Variants in AHNAK observed in about 807,000 individuals in gnomAD.
AHNAK encodes the protein AHNAK nucleoprotein.
In AHNAK, 23 loss-of-function variants were observed where a neutral mutation model predicts 37.8. That is an observed-to-expected ratio of 0.61 (90% confidence interval 0.44 to 0.86). The LOEUF (loss-of-function observed/expected upper bound fraction) is 0.86. Among genes scored for constraint, AHNAK ranks in the 40% least tolerant of loss-of-function variants. AHNAK has a pLI of 0.00. For synonymous variants in AHNAK, 2,481 were observed against 2,636.3 expected, an observed-to-expected ratio of 0.94 and a Z score of 1.80; for missense variants, 7,411 against 7,319.4, an observed-to-expected ratio of 1.01 and a Z score of -0.46.
chr11:62,439,664 G>GTTTTTTTTTTTTTTTTTTTT lies in AHNAK; in HGVS notation c.443-5774_443-5773insAAAAAAAAAAAAAAAAAAAA, dbSNP rs1565194563. On this transcript the variant is annotated intron_variant, in intron 5 of 5. Coordinates refer to the AHNAK transcript ENST00000257247. Reference sequence around the variant, plus strand: ...TTTGGTTTGTTTTGGATTTTTGTGTGATTTTTTTTTTTTTTTTTTTTGAGA... The same window carrying GTTTTTTTTTTTTTTTTTTTT: ...TTTGGTTTGTTTTGGATTTTTGTGTGTTTTTTTTTTTTTTTTTTTTATTTTTTTTTTTTTTTTTTTTGAGA... 1.6e-5 allele frequency among the ~76,000 whole-genome samples: 2 copies of GTTTTTTTTTTTTTTTTTTTT among 126,418 alleles called. 1 individual carries two copies. The allele number at this position is 126,418 out of a possible 152,430, so 82.9% of individuals were successfully genotyped here. A position where few individuals can be genotyped will look rare whatever the true frequency, so the allele number is the denominator to read the frequency against.
chr11:62,544,948 A>T (rs1180698450), intron 1 of AHNAK, among the ~76,000 whole-genome samples: 1 of 152,188 alleles, frequency 6.6e-6, no homozygotes, highest in Non-Finnish European at 1.5e-5. Context: ...ACGGGCAAGC[A>T]GAGAGCAGGA....
At position 62,520,343 on chromosome 11, in the gene AHNAK, C is replaced by G; in HGVS notation, c.14074G>C (p.Val4692Leu). The change falls in exon 5 of 5, where the codon GTT becomes CTT. Residue 4692 changes from valine to leucine, a missense_variant. Transcript: ENST00000378024. ...GGACCTTCGATATTCACATCAGGAA[C>G]ATCAACGTCCACTTTGGGTCCTGAG... ...DVSGPKVDVD[V>L]PDVNIEGPDA... 1 of 1,610,130 alleles carries G rather than the reference C, an allele frequency of 6.2e-7. No homozygotes were observed. The highest frequency in any genetic ancestry group is 8.5e-7 in the Non-Finnish European group (1 of 1,178,780).
In AHNAK at chr11:62,522,663, G is replaced by C. The variant is rs779978795; in HGVS notation, c.11754C>G (p.Ala3918=). ...CTGGGCCTCGAACATCCACATCTGG[G>C]GCATTAATATCCACTTTGGGGCCTT... ...DIKGPKVDIN[A]PDVDVRGPDW... Residue 3918 remains alanine (A), a synonymous_variant, in exon 5 of 5, where the codon GCC becomes GCG. Transcript: ENST00000378024. 1 of 1,606,322 alleles carries C rather than the reference G, an allele frequency of 6.2e-7. No individual in the cohort carries two copies. Among genetic ancestry groups the C allele is most frequent in the South Asian group, 1.1e-5 (1 of 90,550 alleles).
chr11:62,516,699 A>T lies in AHNAK; in HGVS notation c.*45T>A. ...TATAGGAACACACCACCCAAGGCTG[A>T]TGTTTTGTTATATATATATATATGT... On this transcript the variant is annotated 3_prime_UTR_variant, in exon 5 of 5. Transcript: ENST00000378024. The T allele has an allele frequency of 1.3e-6, 2 of 1,536,602 alleles. No individual in the cohort carries two copies. Among genetic ancestry groups the T allele is most frequent in the Non-Finnish European group, 1.7e-6 (2 of 1,147,128 alleles).
chr11:62,466,319 CA>C (rs990524636), intron 5 of AHNAK, among the ~76,000 whole-genome samples: 5 of 150,538 alleles, frequency 3.3e-5, no homozygotes, highest in Admixed American at 3.3e-4. Context: ...GACTCTGTCT[CA>C]AAAAAAAAAT....
At chr11:62,492,379 C>T (rs1435503261) in intron 4 of AHNAK, among the ~76,000 whole-genome samples, 1 of 152,134 alleles carries the variant, frequency 6.6e-6, no homozygotes, top group African/African-American at 2.4e-5. Context: ...AATCAGAGGT[C>T]GCTACCATCT....
At chr11:62,486,017 T>C (rs1487473740) in intron 5 of AHNAK, among the ~76,000 whole-genome samples, 1 of 130,638 alleles carries the variant, frequency 7.7e-6, no homozygotes, top group Non-Finnish European at 1.6e-5. Flanking sequence ...CAAGACTTTG[T>C]CTCAAAAAAA....
At position 62,517,800 on chromosome 11, in the gene AHNAK, A is replaced by G. The variant is rs1289419487; in HGVS notation, c.16617T>C (p.Pro5539=). ...AGGCAGGCCCCTTCACACTGATATC[A>G]GGAGCAGCCCCATGGAAACCTACTT... ...GSEVGFHGAA[P]DISVKGPAFN... Residue 5539 remains proline (P), a synonymous_variant, in exon 5 of 5, where the codon CCT becomes CCC. Coordinates refer to ENST00000378024, the MANE Select transcript of AHNAK (RefSeq NM_001620.3). 2.5e-6 allele frequency: 4 copies of G among 1,614,104 alleles called. No individual in the cohort carries two copies. The highest frequency in any genetic ancestry group is 1.3e-5 in the African/African-American group (1 of 74,934).
chr11:62,523,749 C>T lies in AHNAK; in HGVS notation c.10668G>A (p.Lys3556=). 1 of 1,612,818 alleles carries T rather than the reference C, an allele frequency of 6.2e-7. No homozygotes were observed. Among genetic ancestry groups the T allele is most frequent in the Non-Finnish European group, 8.5e-7 (1 of 1,179,666 alleles). The change falls in exon 5 of 5, where the codon AAG becomes AAA. Residue 3556 remains lysine (K), a synonymous_variant. Transcript: ENST00000378024. ...PDIDLNLKGP[K]VKGDVDISLP... is the part of the protein sequence containing the mutation. ...GAGAAATATCCACATCACCTTTCAC[C>T]TTGGGGCCTTTCAAGTTTAAGTCAA...
rs750866068 is a variant in AHNAK at position 62,519,998 on chromosome 11, C to T, written c.14419G>A (p.Ala4807Thr). The stretch of plus-strand genomic sequence containing the variant: ...TTGGGTCCCGAGACATCGATGTCGG[C>T]CTTGGGCAGGCTCACATCCACATCT... ...GPDVDVSLPKADIDVSGPKVD... is the reference protein window; with the variant it reads ...GPDVDVSLPKTDIDVSGPKVD... Residue 4807 changes from alanine (A) to threonine (T), a missense_variant, in exon 5 of 5, where the codon GCC (alanine) becomes ACC (threonine). Coordinates refer to ENST00000378024, the MANE Select transcript of AHNAK (RefSeq NM_001620.3). The T allele has an allele frequency of 6.2e-7, 1 of 1,613,162 alleles. No homozygotes were observed. Among genetic ancestry groups the T allele is most frequent in the Non-Finnish European group, 8.5e-7 (1 of 1,179,854 alleles).
intron 5 of AHNAK, among the ~76,000 whole-genome samples, chr11:62,442,072 T>C (rs1458935895): frequency 6.6e-6 from 1 of 152,194 alleles, no homozygotes; most frequent in Non-Finnish European, 1.5e-5. Flanking sequence ...GAAAGATTTA[T>C]ACACTGAGAC....
chr11:62,461,143 CTTTT>C (rs71056521), intron 5 of AHNAK, among the ~76,000 whole-genome samples: 1 of 79,838 alleles, frequency 1.3e-5, no homozygotes, highest in Non-Finnish European at 2.3e-5. Context: ...CCAAATTCCC[CTTTT>C]TTTTTTTTTT....
In AHNAK at chr11:62,529,783, T is replaced by G. The variant is rs1940657025; in HGVS notation, c.4634A>C (p.Lys1545Thr). 6.2e-7 allele frequency: 1 copy of G among 1,614,012 alleles called. No individual in the cohort carries two copies. Among genetic ancestry groups the G allele is most frequent in the African/African-American group, 1.3e-5 (1 of 74,910 alleles). ...PKADLGVSGPKVDIDVPDVNL... is the reference protein window; with the variant it reads ...PKADLGVSGPTVDIDVPDVNL... The stretch of plus-strand genomic sequence containing the variant: ...CACATCTGGAACATCAATGTCCACC[T>G]TGGGTCCTGAAACACCAAGGTCAGC... The change falls in exon 5 of 5, where the codon AAG becomes ACG. Residue 1545 changes from lysine (K) to threonine (T), a missense_variant. Transcript: ENST00000378024.
rs1286878764 is a variant in AHNAK at position 62,517,427 on chromosome 11, G to T, written c.16990C>A (p.Pro5664Thr). 6.2e-7 allele frequency: 1 copy of T among 1,614,102 alleles called. No individual in the cohort carries two copies. Among genetic ancestry groups the T allele is most frequent in the East Asian group, 2.2e-5 (1 of 44,882 alleles). Residue 5664 changes from proline (P) to threonine (T), a missense_variant, in exon 5 of 5, where the codon CCC becomes ACC. Physicochemically the swap from Pro to Thr is conservative, Grantham distance 38. Coordinates refer to ENST00000378024, the MANE Select transcript of AHNAK (RefSeq NM_001620.3). ...TCACGGCCAGAGAAGGTAAATTTGG[G>T]GATCTTCATTTTAGGGAATGTTACT... The part of the protein sequence containing the change: ...GKVTFPKMKI[P>T]KFTFSGRELV...
chr11:62,515,348 G>A (rs563415581), downstream of AHNAK, among the ~76,000 whole-genome samples: 4 of 152,258 alleles, frequency 2.6e-5, no homozygotes, highest in South Asian at 2.1e-4. Context: ...GTGAAACTTC[G>A]TCTCTACTAA....
In AHNAK at chr11:62,517,032, C is replaced by G. The variant is rs115950516; in HGVS notation, c.17385G>C (p.Pro5795=). The change falls in exon 5 of 5, where the codon CCG becomes CCC. Residue 5795 remains proline (P), a synonymous_variant. Coordinates refer to ENST00000378024, the MANE Select transcript of AHNAK (RefSeq NM_001620.3). The stretch of plus-strand genomic sequence containing the variant: ...CACCTTCAAACTCCAGCGTCCCCGT[C>G]GGGGTGGAAGGTCCAGAGAACTCTC... ...DEREFSGPST[P]TGTLEFEGGE... is the part of the protein sequence containing the mutation. The G allele has an allele frequency of 1.2e-6, 2 of 1,614,084 alleles. No homozygotes were observed. Among genetic ancestry groups the G allele is most frequent in the African/African-American group, 2.7e-5 (2 of 74,938 alleles).
chr11:62,492,851 C>T (rs1045388919), intron 4 of AHNAK, among the ~76,000 whole-genome samples: 2 of 136,504 alleles, frequency 1.5e-5, no homozygotes, highest in Non-Finnish European at 3.0e-5. Context: ...GCACTCCAGC[C>T]GGGGCGACAG....
At position 62,516,130 on chromosome 11, in the gene AHNAK, A is replaced by G; in HGVS notation, c.*614T>C. The G allele has an allele frequency of 3.1e-6, 4 of 1,283,736 alleles. No homozygotes were observed. The highest frequency in any genetic ancestry group is 4.1e-6 in the Non-Finnish European group (4 of 985,148). The allele number at this position is 1,283,736 out of a possible 1,614,324, so 79.5% of individuals were successfully genotyped here. A position where few individuals can be genotyped will look rare whatever the true frequency, so the allele number is the denominator to read the frequency against. ...GGGGTGGGTTGGACAATTTGCAAAC[A>G]GATTCTAATTTCCTCTCACCGTCAG... On this transcript the variant is annotated 3_prime_UTR_variant, in exon 5 of 5. Coordinates refer to ENST00000378024, the MANE Select transcript of AHNAK (RefSeq NM_001620.3).
chr11:62,532,229 T>C lies in AHNAK; in HGVS notation c.2188A>G (p.Lys730Glu), dbSNP rs150662156. 120 of 1,613,914 alleles carry C rather than the reference T, an allele frequency of 7.4e-5. No homozygotes were observed. The highest frequency in any genetic ancestry group is 4.2e-5 in the Non-Finnish European group (50 of 1,180,004). ...PKLEGELKGP[K>E]VDIDAPDVDV... The stretch of plus-strand genomic sequence containing the variant: ...ACATCTGGGGCATCAATGTCCACTT[T>C]TGGGCCTTTGAGTTCTCCTTCCAGC... The change falls in exon 5 of 5, where the codon AAA becomes GAA. Residue 730 changes from lysine to glutamate, a missense_variant. Lys to Glu is a moderately conservative substitution (Grantham distance 56, BLOSUM62 1). Coordinates refer to ENST00000378024, the MANE Select transcript of AHNAK (RefSeq NM_001620.3).
Sources: gnomAD v4.1 joint callset for allele counts (sites outside exome capture counted in the v4.1 genomes callset) on GRCh38, gnomAD v4.1.1 for gene constraint, MANE v1.5 for transcripts, NCBI Gene and HGNC (gene_info 2026-07-23, HGNC 2026-07-21) for gene names.